Variants in SPATA17 observed in about 807,000 individuals in gnomAD.
The protein encoded by SPATA17 is spermatogenesis-associated protein 17.
Under a neutral mutation model 62.2 loss-of-function variants are expected in SPATA17, and 53 were observed. The ratio of observed to expected loss-of-function variants is 0.85; its 90% CI spans 0.68 to 1.07. The LOEUF is 1.07. Among genes scored for constraint, SPATA17 ranks in the 50% least tolerant of loss-of-function variants. SPATA17 has a pLI of 0.00. For synonymous variants in SPATA17, 146 were observed against 146.8 expected, an observed-to-expected ratio of 0.99 and a Z score of 0.04; for missense variants, 466 against 425.5, an observed-to-expected ratio of 1.10 and a Z score of -0.84.
chr1:217,744,926 G>A (rs547334907), intron 6 of SPATA17, among the ~76,000 whole-genome samples: 1 of 152,276 alleles, frequency 6.6e-6, no homozygotes, highest in South Asian at 2.1e-4. Flanking sequence ...CAGACCCTTC[G>A]AGGGCATTCA....
intron 9 of SPATA17, among the ~76,000 whole-genome samples, chr1:217,806,421 T>G (rs1674436939): frequency 6.6e-6 from 1 of 152,182 alleles, no homozygotes; most frequent in African/African-American, 2.4e-5. Flanking sequence ...TCCCTGGGCC[T>G]CTTGCAGGAG....
intron 4 of SPATA17, among the ~76,000 whole-genome samples, chr1:217,679,027 A>G (rs949888221): frequency 1.3e-5 from 2 of 152,160 alleles, no homozygotes; most frequent in Non-Finnish European, 2.9e-5. Context: ...TATATTTACT[A>G]GTACTGGAAT....
intron 4 of SPATA17, among the ~76,000 whole-genome samples, chr1:217,678,888 C>G (rs984774882): frequency 4.6e-5 from 7 of 151,560 alleles, no homozygotes; most frequent in African/African-American, 1.7e-4. Flanking sequence ...TTGCTAATTA[C>G]TTTGAAGGAC....
At chr1:217,701,716 TA>T (rs1671603552) in intron 5 of SPATA17, among the ~76,000 whole-genome samples, 1 of 152,142 alleles carries the variant, frequency 6.6e-6, no homozygotes. Context: ...GTTTATTTCT[TA>T]GATTTGCCTG....
intron 3 of SPATA17, among the ~76,000 whole-genome samples, chr1:217,661,974 G>C (rs1670581614): frequency 6.6e-6 from 1 of 152,006 alleles, no homozygotes; most frequent in Non-Finnish European, 1.5e-5. Context: ...TTCATAAATG[G>C]GGAAATAAAA....
intron 6 of SPATA17, among the ~76,000 whole-genome samples, chr1:217,770,875 A>G (rs1673420834): frequency 6.6e-6 from 1 of 151,788 alleles, no homozygotes; most frequent in African/African-American, 2.4e-5. Context: ...CTCGTTGCTC[A>G]ACCTGACATA....
chr1:217,862,785 T>C lies in SPATA17; in HGVS notation c.1017T>C (p.Thr339=), dbSNP rs1432496549. The C allele has an allele frequency of 2.4e-5, 38 of 1,607,968 alleles. No homozygotes were observed. The highest frequency in any genetic ancestry group is 3.2e-5 in the Non-Finnish European group (38 of 1,176,788). ...CTTTTTCCTCCTAGGATTTCCAGAC[T>C]GTATTACCATCATTTGAGCTCTTCT... is the stretch of plus-strand genomic sequence containing the variant. ...KKWICDKDFQ[T]VLPSFELFSK... is the part of the protein sequence containing the mutation. Residue 339 remains threonine, a synonymous_variant, in exon 10 of 11, where the codon ACT becomes ACC. Coordinates refer to ENST00000366933, the MANE Select transcript of SPATA17 (RefSeq NM_138796.4).
chr1:217,632,812 G>A (rs1251953718), intron 1 of SPATA17, among the ~76,000 whole-genome samples: 1 of 152,168 alleles, frequency 6.6e-6, no homozygotes, highest in East Asian at 1.9e-4. Flanking sequence ...AGAGTATGTG[G>A]CAGGTGCTGT....
rs191319819 is a variant in SPATA17 at position 217,796,912 on chromosome 1, A to G, written c.873-4806A>G. 8.8e-3 allele frequency among the ~76,000 whole-genome samples: 1,343 copies of G among 152,300 alleles called. 9 individuals are homozygous for G. The highest frequency in any genetic ancestry group is 0.012 in the Non-Finnish European group (825 of 68,034). ...TTATTTATTTGCTGACCTTTTAGTA[A>G]AACTCAAACTATTCTGTGTCATAAA... On this transcript the variant is annotated intron_variant, in intron 8 of 10. Transcript: ENST00000366933.
intron 5 of SPATA17, among the ~76,000 whole-genome samples, chr1:217,705,061 ATC>A: frequency 6.6e-6 from 1 of 152,148 alleles, no homozygotes; most frequent in Admixed American, 6.5e-5. Flanking sequence ...CCTTGCCAAC[ATC>A]TGTTATTTTT....
intron 9 of SPATA17, among the ~76,000 whole-genome samples, chr1:217,842,241 T>C (rs1286472644): frequency 6.6e-6 from 1 of 152,056 alleles, no homozygotes; most frequent in African/African-American, 2.4e-5. Context: ...TATATCTATG[T>C]TTGTAAGATA....
At chr1:217,835,728 CT>C (rs201739912) in intron 9 of SPATA17, among the ~76,000 whole-genome samples, 4,835 of 152,152 alleles carry the variant, frequency 0.032, 113 homozygotes, top group Middle Eastern at 0.062. Context: ...GGAGAGGAGC[CT>C]GAATTCTGTT....
chr1:217,837,267 A>G lies in SPATA17; in HGVS notation c.1006-25507A>G, dbSNP rs574378791. Among the ~76,000 whole-genome samples the G allele has an allele frequency of 1.2e-4, 19 of 152,256 alleles. No individual in the cohort carries two copies. In the East Asian group the frequency reaches 1.5e-3, roughly 12 times the overall value. Reference sequence around the variant, plus strand: ...TAGCCACAACTTTGCTAGATAATTAACTGTGGTCAATATGCCCAGCTAATT... The same window carrying G: ...TAGCCACAACTTTGCTAGATAATTAGCTGTGGTCAATATGCCCAGCTAATT... On this transcript the variant is annotated intron_variant, in intron 9 of 10. Coordinates refer to ENST00000366933, the MANE Select transcript of SPATA17 (RefSeq NM_138796.4).
intron 9 of SPATA17, among the ~76,000 whole-genome samples, chr1:217,844,326 G>A (rs1272832957): frequency 1.3e-5 from 2 of 152,122 alleles, no homozygotes; most frequent in African/African-American, 4.8e-5. Context: ...TATGTACTGG[G>A]AAGATGTTAC....
At chr1:217,802,201 C>G (rs1674329149) in intron 9 of SPATA17, among the ~76,000 whole-genome samples, 1 of 151,840 alleles carries the variant, frequency 6.6e-6, no homozygotes, top group South Asian at 2.1e-4. Flanking sequence ...CTCTCTCAAT[C>G]TATGTATGTA....
intron 5 of SPATA17, among the ~76,000 whole-genome samples, chr1:217,696,194 G>A (rs1671453010): frequency 6.6e-6 from 1 of 152,204 alleles, no homozygotes; most frequent in African/African-American, 2.4e-5. Context: ...ATAGTCTCGT[G>A]GTGCACCGTT....
At position 217,782,200 on chromosome 1, in the gene SPATA17, A is replaced by T. The variant is rs375662508; in HGVS notation, c.750A>T (p.Val250=). The T allele has an allele frequency of 1.2e-6, 2 of 1,606,310 alleles. No individual in the cohort carries two copies. Among genetic ancestry groups the T allele is most frequent in the Admixed American group, 1.7e-5 (1 of 58,100 alleles). ...CQGPFRDITE[V]LEQRYRPLEP... The stretch of plus-strand genomic sequence containing the variant: ...GGCCCTTCCGAGATATCACCGAAGT[A>T]TTAGAACAACGCTACAGGCCTTTGG... Residue 250 remains valine (V), a synonymous_variant, in exon 8 of 11, where the codon GTA becomes GTT. Transcript: ENST00000366933.
intron 3 of SPATA17, among the ~76,000 whole-genome samples, chr1:217,667,162 C>T (rs1010678556): frequency 6.6e-6 from 1 of 150,938 alleles, no homozygotes; most frequent in African/African-American, 2.4e-5. Flanking sequence ...ATTCTCCTGC[C>T]TCAGCCTCCT....
At chr1:217,850,428 C>A in intron 9 of SPATA17, 2 of 1,300,908 alleles carry the variant, frequency 1.5e-6, no homozygotes, top group Non-Finnish European at 2.2e-6. Context: ...GACGCTGGAC[C>A]AGGTACAGGG....
Sources: allele counts gnomAD v4.1 joint callset (sites outside exome capture counted in the v4.1 genomes callset), GRCh38; gene constraint gnomAD v4.1.1; transcripts MANE v1.5; gene names NCBI Gene and HGNC (gene_info 2026-07-23, HGNC 2026-07-21).